TDRD3: variants seen among roughly 807,000 people sequenced by gnomAD.
The protein encoded by TDRD3 is tudor domain containing 3.
Under a neutral mutation model 86.7 loss-of-function variants are expected in TDRD3, and 45 were observed. That is an observed-to-expected ratio of 0.52 (90% CI 0.41 to 0.67). The LOEUF (loss-of-function observed/expected upper bound fraction) is 0.67. Among genes scored for constraint, TDRD3 ranks in the 30% least tolerant of loss-of-function variants. TDRD3 has a pLI of 0.00. For synonymous variants in TDRD3, 298 were observed against 301.7 expected (o/e 0.99, Z 0.13); for missense variants, 814 against 889.0 (o/e 0.92, Z 1.07).
At chr13:60,409,469 T>G (rs1262478130) in intron 1 of TDRD3, among the ~76,000 whole-genome samples, 2 of 152,310 alleles carry the variant, frequency 1.3e-5, no homozygotes, top group East Asian at 3.9e-4. Flanking sequence ...GGCTGTATCC[T>G]GTAAAGCCAC....
At chr13:60,477,503 C>G (rs1274308922) in intron 5 of TDRD3, among the ~76,000 whole-genome samples, 2 of 152,164 alleles carry the variant, frequency 1.3e-5, no homozygotes, top group Non-Finnish European at 2.9e-5. Context: ...CCTTGAGTCA[C>G]TGTGCCCAGC....
chr13:60,466,657 G>A (rs1047798983), intron 4 of TDRD3, among the ~76,000 whole-genome samples: 10 of 152,000 alleles, frequency 6.6e-5, no homozygotes, highest in Non-Finnish European at 1.3e-4. Flanking sequence ...TCGTGGGGGC[G>A]CATGCCTGTA....
chr13:60,521,175 A>G (rs760466346), intron 10 of TDRD3, among the ~76,000 whole-genome samples: 1 of 152,208 alleles, frequency 6.6e-6, no homozygotes, highest in African/African-American at 2.4e-5. Context: ...CTTTGCTGCA[A>G]ACTTCTCCTA....
At chr13:60,569,589 G>A (rs1958537161) in intron 13 of TDRD3, among the ~76,000 whole-genome samples, 1 of 151,998 alleles carries the variant, frequency 6.6e-6, no homozygotes, top group Admixed American at 6.6e-5. Context: ...AAATTTATAT[G>A]GAACCACAAA....
rs1422005480 is a variant in TDRD3, at chr13:60,509,797, T to C, written c.893T>C (p.Met298Thr). Residue 298 changes from methionine (M) to threonine (T), a missense_variant, in exon 9 of 14, where the codon ATG becomes ACG. By Grantham distance (81) the Met-to-Thr change is moderately conservative. Coordinates refer to ENST00000377881, the MANE Select transcript of TDRD3 (RefSeq NM_001146070.2). ...AAAGCTCTGAAGCACATAACGGAAA[T>C]GGGCTTCAGTAAGGAAGCATCGAGG... ...DEKALKHITE[M>T]GFSKEASRQA... 6.2e-7 allele frequency: 1 copy of C among 1,613,832 alleles called. No individual in the cohort carries two copies. The highest frequency in any genetic ancestry group is 8.5e-7 in the Non-Finnish European group (1 of 1,179,738).
At chr13:60,512,328 C>T (rs901148092) in intron 10 of TDRD3, among the ~76,000 whole-genome samples, 9 of 152,034 alleles carry the variant, frequency 5.9e-5, no homozygotes, top group African/African-American at 1.7e-4. Flanking sequence ...AACATGTGGG[C>T]ATTCAAGATG....
At chr13:60,471,450 A>T (rs867456399) in intron 5 of TDRD3, among the ~76,000 whole-genome samples, 2 of 152,106 alleles carry the variant, frequency 1.3e-5, no homozygotes, top group African/African-American at 4.8e-5. Context: ...ATTAAGTTTC[A>T]TAATTGGAAA....
intron 1 of TDRD3, among the ~76,000 whole-genome samples, chr13:60,425,679 G>T (rs1954782811): frequency 6.6e-6 from 1 of 151,928 alleles, no homozygotes; most frequent in African/African-American, 2.4e-5. Flanking sequence ...GTACGGATTT[G>T]AACTGTGTGA....
At chr13:60,487,794 G>T (rs1595006856) in intron 7 of TDRD3, among the ~76,000 whole-genome samples, 1 of 152,276 alleles carries the variant, frequency 6.6e-6, no homozygotes, top group Non-Finnish European at 1.5e-5. Flanking sequence ...CCAGTAGTGG[G>T]ATTGCTCAAT....
intron 5 of TDRD3, among the ~76,000 whole-genome samples, chr13:60,480,900 G>C (rs1288177711): frequency 6.6e-6 from 1 of 152,128 alleles, no homozygotes; most frequent in East Asian, 1.9e-4. Flanking sequence ...ATATGGGATG[G>C]GGGTGCACTC....
At chr13:60,524,505 T>A (rs1485636552) in intron 10 of TDRD3, among the ~76,000 whole-genome samples, 2 of 106,282 alleles carry the variant, frequency 1.9e-5, no homozygotes, top group Admixed American at 9.3e-5. Context: ...AGGCTCCATC[T>A]CAAAAAAAAA....
At chr13:60,460,599 G>T in intron 4 of TDRD3, 59 bp downstream of exon 4, 1 of 1,441,460 alleles carries the variant, frequency 6.9e-7, no homozygotes, top group Middle Eastern at 1.8e-4. Flanking sequence ...TATTCAATTG[G>T]AATAACTTAA....
At chr13:60,444,477 T>G (rs758476751) in intron 2 of TDRD3, among the ~76,000 whole-genome samples, 13 of 151,952 alleles carry the variant, frequency 8.6e-5, no homozygotes, top group Non-Finnish European at 5.9e-5. Flanking sequence ...GCCTTATGTG[T>G]TACTGTTCAT....
At chr13:60,411,179 A>G (rs1292040296) in intron 1 of TDRD3, among the ~76,000 whole-genome samples, 1 of 152,248 alleles carries the variant, frequency 6.6e-6, no homozygotes, top group Non-Finnish European at 1.5e-5. Flanking sequence ...TAGCTATGAT[A>G]GTTCACAATT....
At chr13:60,409,066 A>T (rs1954299314) in intron 1 of TDRD3, among the ~76,000 whole-genome samples, 1 of 152,220 alleles carries the variant, frequency 6.6e-6, no homozygotes, top group African/African-American at 2.4e-5. Flanking sequence ...AGGGGCCAAC[A>T]TATAGCTTGG....
chr13:60,518,001 T>A (rs949697440), intron 10 of TDRD3, among the ~76,000 whole-genome samples: 1 of 152,220 alleles, frequency 6.6e-6, no homozygotes, highest in Non-Finnish European at 1.5e-5. Context: ...AAGTTTGAAA[T>A]GTTCTGGTTT....
chr13:60,478,798 G>A (rs1344356437), intron 5 of TDRD3, among the ~76,000 whole-genome samples: 2 of 143,182 alleles, frequency 1.4e-5, no homozygotes, highest in Non-Finnish European at 3.0e-5. Context: ...GTTAATTTGA[G>A]GACTTTTTTT....
At chr13:60,512,526 A>G (rs1486710057) in intron 10 of TDRD3, among the ~76,000 whole-genome samples, 1 of 152,240 alleles carries the variant, frequency 6.6e-6, no homozygotes, top group Admixed American at 6.5e-5. Context: ...TCTTCTGCCT[A>G]AGAGCCTGAA....
At chr13:60,547,760 C>T (rs1320884574) in intron 12 of TDRD3, among the ~76,000 whole-genome samples, 1 of 152,144 alleles carries the variant, frequency 6.6e-6, no homozygotes, top group Non-Finnish European at 1.5e-5. Context: ...GTCTGATAAA[C>T]AGTTAAGTAT....
Sources: allele counts gnomAD v4.1 joint callset (sites outside exome capture counted in the v4.1 genomes callset), GRCh38; gene constraint gnomAD v4.1.1; transcripts MANE v1.5; gene names NCBI Gene and HGNC (gene_info 2026-07-23, HGNC 2026-07-21).